The following IGF1 variants were observed in gnomAD, a reference collection of about 807,000 sequenced individuals.
The protein encoded by IGF1 is insulin like growth factor 1.
A neutral mutation model predicts 13.8 loss-of-function variants in IGF1; 4 were observed. That is an observed-to-expected ratio of 0.29 (90% CI 0.14 to 0.66). IGF1 has a LOEUF of 0.66. Ranked by LOEUF, IGF1 falls within the 30% of genes least tolerant of loss-of-function variation. The pLI is 0.78. For synonymous variants in IGF1, 76 were observed against 72.6 expected (o/e 1.05, Z -0.23); for missense variants, 124 against 188.5 (o/e 0.66, Z 2.00).
intron 2 of IGF1, among the ~76,000 whole-genome samples, chr12:102,464,066 A>G (rs1230632240): frequency 6.6e-6 from 1 of 152,186 alleles, no homozygotes; most frequent in Non-Finnish European, 1.5e-5. Context: ...TTAGCCAGGG[A>G]TGTACCAGTT....
rs1434390740 is a variant in IGF1, at chr12:102,401,747, G to GAACTCTTTTGAGTTGAAGA, written c.*741_*759dup. The GAACTCTTTTGAGTTGAAGA allele has an allele frequency of 5.3e-5, 8 of 152,378 alleles. No homozygotes were observed. Among genetic ancestry groups the GAACTCTTTTGAGTTGAAGA allele is most frequent in the African/African-American group, 1.9e-4 (8 of 41,206 alleles). The allele number at this position is 152,378 out of a possible 1,614,324, so 9.4% of individuals were successfully genotyped here. A position where few individuals can be genotyped will look rare whatever the true frequency, so the allele number is the denominator to read the frequency against. On this transcript the variant is annotated 3_prime_UTR_variant, in exon 4 of 4. Transcript: ENST00000337514. Reference sequence around the variant, plus strand: ...TTGCACATTAACTCATCATTTGAAGGAACTCTTTTGAGTTGAAGAAACTTT... The same window carrying GAACTCTTTTGAGTTGAAGA: ...TTGCACATTAACTCATCATTTGAAGGAACTCTTTTGAGTTGAAGAAACTCTTTTGAGTTGAAGAAACTTT...
intron 2 of IGF1, among the ~76,000 whole-genome samples, chr12:102,456,221 G>GGT (rs59075811): frequency 0.1 from 14,619 of 140,076 alleles, 672 homozygotes; most frequent in East Asian, 0.11. Context: ...ATTTAAAAAA[G>GGT]GTGTGTGTGT....
chr12:102,461,684 A>T (rs1186273793), intron 2 of IGF1, among the ~76,000 whole-genome samples: 1 of 152,182 alleles, frequency 6.6e-6, no homozygotes, highest in East Asian at 1.9e-4. Context: ...TGGAAATTGC[A>T]GCTACAGCAA....
chr12:102,464,936 G>A (rs1194134070), intron 2 of IGF1, among the ~76,000 whole-genome samples: 2 of 152,148 alleles, frequency 1.3e-5, no homozygotes, highest in East Asian at 1.9e-4. Flanking sequence ...ATATCTCTCA[G>A]TGACTACCCA....
chr12:102,480,945 G>A (rs1490583953), upstream of IGF1, among the ~76,000 whole-genome samples: 1 of 152,164 alleles, frequency 6.6e-6, no homozygotes, highest in Non-Finnish European at 1.5e-5. Context: ...TAGAGCAAAT[G>A]CATTATTTAA....
chr12:102,442,135 G>A lies in IGF1; in HGVS notation c.221-22445C>T, dbSNP rs117087112. Reference sequence around the variant, plus strand: ...TGGTTAATTTTTGATTATTTGTAGAGACAGGGTCTCACTATGCTGCTCAGG... The same window carrying A: ...TGGTTAATTTTTGATTATTTGTAGAAACAGGGTCTCACTATGCTGCTCAGG... On this transcript the variant is annotated intron_variant, in intron 2 of 3. Transcript: ENST00000337514. Among the ~76,000 whole-genome samples, 221 of 150,556 alleles carry A rather than the reference G, an allele frequency of 1.5e-3. 2 individuals are homozygous for A. The East Asian group carries it at 0.026, about 18-fold the overall frequency.
rs766050142 is a variant in IGF1 at position 102,419,653 on chromosome 12, C to T, written c.258G>A (p.Ala86=). The T allele has an allele frequency of 3.0e-5, 49 of 1,613,098 alleles. No individual in the cohort carries two copies. The highest frequency in any genetic ancestry group is 1.1e-4 in the African/African-American group (8 of 74,914). Residue 86 remains alanine (A), a synonymous_variant, in exon 3 of 4, where the codon GCG becomes GCA. Transcript: ENST00000337514. ...PTGYGSSSRR[A]PQTGIVDECC... Reference sequence around the variant, plus strand: ...ACTCATCCACGATGCCTGTCTGAGGCGCCCTCCGACTGCTGGAGCCATACC... The same window carrying T: ...ACTCATCCACGATGCCTGTCTGAGGTGCCCTCCGACTGCTGGAGCCATACC...
At chr12:102,435,638 T>C (rs1877160320) in intron 2 of IGF1, among the ~76,000 whole-genome samples, 1 of 152,208 alleles carries the variant, frequency 6.6e-6, no homozygotes, top group Non-Finnish European at 1.5e-5. Flanking sequence ...GTTCCTTTGA[T>C]TTCAAATGGC....
upstream of IGF1, chr12:102,480,666 CAA>C: frequency 8.0e-7 from 1 of 1,252,490 alleles, no homozygotes; most frequent in East Asian, 3.2e-5. Flanking sequence ...CCTCTTCTGG[CAA>C]AGTTATTGAG....
intron 3 of IGF1, among the ~76,000 whole-genome samples, chr12:102,411,174 G>T (rs1030610134): frequency 6.6e-6 from 1 of 152,118 alleles, no homozygotes; most frequent in Non-Finnish European, 1.5e-5. Context: ...ATTATACTAT[G>T]CATTTATTGA....
rs535852280 is a variant in IGF1 at position 102,451,320 on chromosome 12, C to G, written c.220+24323G>C. On this transcript the variant is annotated intron_variant, in intron 2 of 3. Transcript: ENST00000337514. ...GTAGATAATTTCAGTATATCTCAAA[C>G]AAATAATGTGAGAATTACTGAGCGC... Among the ~76,000 whole-genome samples, 4 of 152,316 alleles carry G rather than the reference C, an allele frequency of 2.6e-5. No individual in the cohort carries two copies. In the South Asian group the frequency reaches 8.3e-4, roughly 32 times the overall value.
chr12:102,475,017 A>C (rs1880926029), intron 2 of IGF1, among the ~76,000 whole-genome samples: 1 of 152,188 alleles, frequency 6.6e-6, no homozygotes, highest in Non-Finnish European at 1.5e-5. Flanking sequence ...AAAGAGAGCA[A>C]CAACAAAAAA....
intron 3 of IGF1, among the ~76,000 whole-genome samples, chr12:102,412,654 T>G (rs1475071589): frequency 6.6e-6 from 1 of 152,212 alleles, no homozygotes; most frequent in African/African-American, 2.4e-5. Context: ...CCAAAATGTT[T>G]TCTAGCTCCT....
At chr12:102,412,972 G>A (rs1262238166) in intron 3 of IGF1, among the ~76,000 whole-genome samples, 3 of 152,190 alleles carry the variant, frequency 2.0e-5, no homozygotes, top group Non-Finnish European at 4.4e-5. Context: ...TTCCAGTTAG[G>A]CCTTTAGGGA....
intron 2 of IGF1, among the ~76,000 whole-genome samples, chr12:102,474,217 A>T (rs1880870410): frequency 6.6e-6 from 1 of 152,232 alleles, no homozygotes; most frequent in Non-Finnish European, 1.5e-5. Context: ...CAAGTCTGCT[A>T]TTGGAAAATC....
At chr12:102,475,970 C>T (rs1220109414) in intron 1 of IGF1, among the ~76,000 whole-genome samples, 171 bp from the exon 2 acceptor site, 5 of 152,154 alleles carry the variant, frequency 3.3e-5, no homozygotes, top group Non-Finnish European at 7.4e-5. Flanking sequence ...GTGGATGGAG[C>T]GTGTCTCGGC....
chr12:102,480,293 G>T lies in IGF1; in HGVS notation c.63+26C>A. ...CACAATTTAAATAGAATTCCCCAAT[G>T]ACTTCAAAGAGTAAGAAATATTTAC... On this transcript the variant is annotated intron_variant, in intron 1 of 3. Coordinates refer to ENST00000337514, the MANE Select transcript of IGF1 (RefSeq NM_000618.5). 3.1e-6 allele frequency: 5 copies of T among 1,602,000 alleles called. No homozygotes were observed. In the South Asian group the frequency reaches 5.5e-5, roughly 18 times the overall value.
chr12:102,437,536 A>G (rs1877351226), intron 2 of IGF1, among the ~76,000 whole-genome samples: 1 of 152,240 alleles, frequency 6.6e-6, no homozygotes, highest in Admixed American at 6.5e-5. Flanking sequence ...GACAAATACT[A>G]TATGATCTCA....
intron 3 of IGF1, among the ~76,000 whole-genome samples, chr12:102,418,834 T>C (rs927804116): frequency 2.6e-5 from 4 of 152,256 alleles, no homozygotes; most frequent in African/African-American, 7.2e-5. Flanking sequence ...TCTTAGAAAA[T>C]GATGCCTGCA....
Sources: gnomAD v4.1 joint callset for allele counts (sites outside exome capture counted in the v4.1 genomes callset) on GRCh38, gnomAD v4.1.1 for gene constraint, MANE v1.5 for transcripts, NCBI Gene and HGNC (gene_info 2026-07-23, HGNC 2026-07-21) for gene names.